The following DLG2 variants were observed in gnomAD, a reference collection of about 807,000 sequenced individuals.
DLG2 encodes disks large homolog 2.
Under a neutral mutation model 132.5 loss-of-function variants are expected in DLG2, and 45 were observed. The observed-to-expected ratio is 0.34, with a 90% CI of 0.27 to 0.44. The LOEUF (loss-of-function observed/expected upper bound fraction) is 0.44, where lower values mean the gene tolerates loss of function less well. DLG2 is among the 20% of genes least tolerant of loss of function. The pLI is 1.00. For missense variants in DLG2, 1,045 were observed against 1,196.9 expected (o/e 0.87, Z 1.87); for synonymous variants, 424 against 419.6 (o/e 1.01, Z -0.13).
intron 6 of DLG2, among the ~76,000 whole-genome samples, chr11:84,722,113 C>T (rs983828486): frequency 1.6e-4 from 24 of 152,126 alleles, no homozygotes; most frequent in Non-Finnish European, 3.2e-4. Flanking sequence ...TCATGAGAGA[C>T]ATAACACACT....
chr11:85,022,983 T>C (rs1053508497), intron 6 of DLG2, among the ~76,000 whole-genome samples: 1 of 152,092 alleles, frequency 6.6e-6, no homozygotes, highest in African/African-American at 2.4e-5. Context: ...TTAATGAATG[T>C]AGTGCTCTTA....
intron 14 of DLG2, among the ~76,000 whole-genome samples, chr11:83,940,917 C>T (rs918758210): frequency 1.3e-5 from 2 of 152,138 alleles, no homozygotes; most frequent in African/African-American, 4.8e-5. Context: ...AATGTTTTGA[C>T]TACTATAGAT....
At chr11:83,798,686 G>A (rs1159207642) in intron 17 of DLG2, among the ~76,000 whole-genome samples, 1 of 152,120 alleles carries the variant, frequency 6.6e-6, no homozygotes, top group Non-Finnish European at 1.5e-5. Flanking sequence ...GGTGCAAGGT[G>A]GCAGGGGGCA....
At chr11:84,241,066 C>A (rs2097219294) in intron 8 of DLG2, among the ~76,000 whole-genome samples, 1 of 152,218 alleles carries the variant, frequency 6.6e-6, no homozygotes, top group Non-Finnish European at 1.5e-5. Flanking sequence ...GCACTTCCCT[C>A]TTCTTGGAAT....
chr11:84,299,631 C>A (rs1024323568), intron 7 of DLG2, among the ~76,000 whole-genome samples: 1 of 152,110 alleles, frequency 6.6e-6, no homozygotes, highest in Non-Finnish European at 1.5e-5. Context: ...TCTGAGTGAA[C>A]TGCAAAGAGT....
intron 3 of DLG2, among the ~76,000 whole-genome samples, chr11:85,414,663 CT>C (rs2089657961): frequency 6.6e-6 from 1 of 151,972 alleles, no homozygotes; most frequent in African/African-American, 2.4e-5. Context: ...GACTTTCTCT[CT>C]TGATGATCAC....
At chr11:85,534,391 C>G (rs1181514170) in intron 3 of DLG2, among the ~76,000 whole-genome samples, 2 of 151,818 alleles carry the variant, frequency 1.3e-5, no homozygotes, top group Admixed American at 1.3e-4. Flanking sequence ...AGGTTTGTCA[C>G]CCGGGTATAT....
intron 6 of DLG2, among the ~76,000 whole-genome samples, chr11:85,067,430 T>C (rs1319465236): frequency 1.3e-5 from 2 of 151,942 alleles, no homozygotes; most frequent in Non-Finnish European, 2.9e-5. Flanking sequence ...CTTTTAATTG[T>C]GATGTTAGGG....
At chr11:84,346,858 G>T (rs1456367322) in intron 7 of DLG2, among the ~76,000 whole-genome samples, 1 of 152,104 alleles carries the variant, frequency 6.6e-6, no homozygotes, top group Non-Finnish European at 1.5e-5. Context: ...TTTTCATTTT[G>T]ATTCTACTAT....
At chr11:84,252,597 T>C (rs1046563238) in intron 7 of DLG2, among the ~76,000 whole-genome samples, 9 of 152,190 alleles carry the variant, frequency 5.9e-5, no homozygotes, top group Non-Finnish European at 1.2e-4. Flanking sequence ...TTAGCGGGAA[T>C]CTGTGTAAAA....
chr11:84,603,714 T>G (rs777596470), intron 6 of DLG2, among the ~76,000 whole-genome samples: 12 of 151,978 alleles, frequency 7.9e-5, no homozygotes, highest in Non-Finnish European at 1.6e-4. Flanking sequence ...ACAATATATC[T>G]TATCTCATGT....
intron 18 of DLG2, among the ~76,000 whole-genome samples, chr11:83,745,370 CCT>C (rs2092828149): frequency 6.6e-6 from 1 of 152,178 alleles, no homozygotes; most frequent in Non-Finnish European, 1.5e-5. Flanking sequence ...AATCCTTCCA[CCT>C]CTGTTTTTGA....
At chr11:84,455,870 C>T (rs774093055) in intron 7 of DLG2, among the ~76,000 whole-genome samples, 1 of 151,278 alleles carries the variant, frequency 6.6e-6, no homozygotes, top group African/African-American at 2.4e-5. Context: ...GGAATACAGG[C>T]CAAAAAGATC....
At chr11:85,182,224 A>G (rs1595145835) in intron 4 of DLG2, among the ~76,000 whole-genome samples, 1 of 151,864 alleles carries the variant, frequency 6.6e-6, no homozygotes, top group African/African-American at 2.4e-5. Flanking sequence ...CCATTTTAAC[A>G]TGAGGCTTAG....
chr11:84,891,095 T>C (rs748267597), intron 6 of DLG2: 20 of 152,188 alleles, frequency 1.3e-4, no homozygotes, highest in Non-Finnish European at 2.6e-4. Context: ...GTAGTTATTT[T>C]AGCTACGTGG....
intron 7 of DLG2, among the ~76,000 whole-genome samples, chr11:84,373,441 G>T (rs183874851): frequency 6.6e-6 from 1 of 151,678 alleles, no homozygotes; most frequent in Non-Finnish European, 1.5e-5. Context: ...ATGATGGCAC[G>T]TGCCTGGAAT....
At chr11:84,655,763 T>C (rs2154547289) in intron 6 of DLG2, among the ~76,000 whole-genome samples, 1 of 149,808 alleles carries the variant, frequency 6.7e-6, no homozygotes, top group East Asian at 2.0e-4. Context: ...CATGGAGTGG[T>C]TGTGAGAATT....
intron 6 of DLG2, among the ~76,000 whole-genome samples, chr11:84,542,166 G>C (rs2099375356): frequency 6.6e-6 from 1 of 150,966 alleles, no homozygotes; most frequent in Non-Finnish European, 1.5e-5. Context: ...AGAGAGAGGG[G>C]GAAGGAACAA....
chr11:85,047,533 G>A (rs1272068837), intron 6 of DLG2, among the ~76,000 whole-genome samples: 2 of 151,612 alleles, frequency 1.3e-5, no homozygotes, highest in East Asian at 3.9e-4. Flanking sequence ...ATGAACATGT[G>A]GGCCATTTCT....
Sources: gnomAD v4.1 joint callset for allele counts (sites outside exome capture counted in the v4.1 genomes callset) on GRCh38, gnomAD v4.1.1 for gene constraint, MANE v1.5 for transcripts, NCBI Gene and HGNC (gene_info 2026-07-23, HGNC 2026-07-21) for gene names.